Variants in CSMD1 observed in about 807,000 individuals in gnomAD.
CSMD1 encodes the protein CUB and Sushi multiple domains 1.
In CSMD1, 213 loss-of-function variants were observed where a neutral mutation model predicts 417.5. The observed-to-expected ratio is 0.51, with a 90% CI of 0.46 to 0.57. CSMD1 has a LOEUF of 0.57. Among genes scored for constraint, CSMD1 ranks in the 20% least tolerant of loss-of-function variants. The probability of loss-of-function intolerance (pLI) is 0.00; values close to 1 mark genes in which losing one functional copy is unlikely to be tolerated. For synonymous variants in CSMD1, 2,862 were observed against 1,736.8 expected, an observed-to-expected ratio of 1.65 and a Z score of -16.11; for missense variants, 6,923 against 4,529.7, an observed-to-expected ratio of 1.53 and a Z score of -15.17.
At chr8:4,111,772 G>T (rs935891257) in intron 3 of CSMD1, among the ~76,000 whole-genome samples, 1 of 152,100 alleles carries the variant, frequency 6.6e-6, no homozygotes, top group South Asian at 2.1e-4. Context: ...ACTGTTGTGG[G>T]GCATAGGGTG....
chr8:4,699,608 G>A (rs569406127), intron 1 of CSMD1, among the ~76,000 whole-genome samples: 5 of 152,070 alleles, frequency 3.3e-5, no homozygotes, highest in Non-Finnish European at 7.4e-5. Flanking sequence ...AGAGCTCTTG[G>A]CATTTATTTG....
intron 3 of CSMD1, among the ~76,000 whole-genome samples, chr8:4,416,187 T>C (rs963500495): frequency 6.6e-6 from 1 of 152,258 alleles, no homozygotes; most frequent in African/African-American, 2.4e-5. Flanking sequence ...AATACCGGAG[T>C]CACTGTTTTG....
intron 1 of CSMD1, among the ~76,000 whole-genome samples, chr8:4,773,833 A>G (rs1161872925): frequency 6.6e-6 from 1 of 152,214 alleles, no homozygotes; most frequent in African/African-American, 2.4e-5. Flanking sequence ...AAAAATAAAA[A>G]TTTAATTGTG....
chr8:3,176,429 T>G (rs1820941320), intron 37 of CSMD1, among the ~76,000 whole-genome samples: 1 of 151,926 alleles, frequency 6.6e-6, no homozygotes. Flanking sequence ...AAGTGTGCAT[T>G]CAAAAAAAAC....
At chr8:4,480,609 A>T (rs562134162) in intron 2 of CSMD1, among the ~76,000 whole-genome samples, 1 of 152,358 alleles carries the variant, frequency 6.6e-6, no homozygotes, top group South Asian at 2.1e-4. Flanking sequence ...CCAAGAATGC[A>T]TGAGAAACAA....
chr8:4,121,106 T>G (rs1585358839), intron 3 of CSMD1, among the ~76,000 whole-genome samples: 1 of 151,690 alleles, frequency 6.6e-6, no homozygotes. Flanking sequence ...TTTTTATTTA[T>G]TTTTATTTTT....
At chr8:4,366,608 T>C (rs968142436) in intron 3 of CSMD1, among the ~76,000 whole-genome samples, 2 of 152,348 alleles carry the variant, frequency 1.3e-5, no homozygotes, top group East Asian at 1.9e-4. Context: ...TTTTGCTTTT[T>C]ATTAACAGCA....
chr8:3,293,721 C>T (rs1803753163), intron 25 of CSMD1, among the ~76,000 whole-genome samples: 1 of 151,570 alleles, frequency 6.6e-6, no homozygotes, highest in African/African-American at 2.4e-5. Context: ...TCTAGTTAGC[C>T]ATTCGTTTAA....
intron 3 of CSMD1, among the ~76,000 whole-genome samples, chr8:4,107,411 A>G (rs568274202): frequency 1.1e-4 from 16 of 152,334 alleles, no homozygotes; most frequent in African/African-American, 3.1e-4. Flanking sequence ...CCACAGCAGA[A>G]AATGTCTTGA....
intron 26 of CSMD1, 84 bp downstream of exon 26, chr8:3,284,060 C>T: frequency 8.9e-7 from 1 of 1,125,456 alleles, no homozygotes; most frequent in Non-Finnish European, 1.3e-6. Flanking sequence ...TAAGGAGACG[C>T]TGGTGAATAT....
intron 12 of CSMD1, among the ~76,000 whole-genome samples, chr8:3,460,540 T>C (rs557151253): frequency 6.6e-6 from 1 of 151,902 alleles, no homozygotes; most frequent in East Asian, 1.9e-4. Context: ...CGGGGAGAAA[T>C]GAAGTTTCGA....
intron 2 of CSMD1, among the ~76,000 whole-genome samples, chr8:4,475,917 T>C (rs1481264362): frequency 6.6e-6 from 1 of 152,152 alleles, no homozygotes; most frequent in Non-Finnish European, 1.5e-5. Context: ...CTGGCTCTTT[T>C]ATTATACTTT....
intron 50 of CSMD1, among the ~76,000 whole-genome samples, chr8:3,047,549 C>A (rs567540410): frequency 4.6e-5 from 7 of 152,284 alleles, no homozygotes; most frequent in African/African-American, 1.7e-4. Flanking sequence ...ATGTCTCTGC[C>A]TCGCTGTGCC....
rs187860587 is a variant in CSMD1 at position 2,989,671 on chromosome 8, T to A, written c.8377+8340A>T. On this transcript the variant is annotated intron_variant, in intron 54 of 69. Coordinates refer to ENST00000635120, the MANE Select transcript of CSMD1 (RefSeq NM_033225.6). ...GAGACAGTATCTGGGATACAGAGAA[T>A]GATGAATAAATATGAGGTGTTTTTA... Among the ~76,000 whole-genome samples the A allele has an allele frequency of 2.0e-5, 3 of 152,298 alleles. No homozygotes were observed. The East Asian group carries it at 5.8e-4, about 29-fold the overall frequency.
chr8:3,195,956 G>A (rs1796680796), intron 33 of CSMD1, among the ~76,000 whole-genome samples: 1 of 152,094 alleles, frequency 6.6e-6, no homozygotes, highest in African/African-American at 2.4e-5. Flanking sequence ...TATAAAATGA[G>A]GCTGAGACCT....
Position 4,670,743 on chromosome 8 carries a change from T to G in CSMD1, c.86-33185A>C, listed in dbSNP as rs185968043. Among the ~76,000 whole-genome samples the G allele has an allele frequency of 4.2e-3, 641 of 152,250 alleles. 4 individuals are homozygous for G. The highest frequency in any genetic ancestry group is 6.5e-3 in the Non-Finnish European group (445 of 68,024). ...GAAAAAAATAGTTGGCTCTAAGTGG[T>G]TGAGAAATACAAGTACACAAAAATT... On this transcript the variant is annotated intron_variant, in intron 1 of 69. Coordinates refer to ENST00000635120, the MANE Select transcript of CSMD1 (RefSeq NM_033225.6).
At chr8:4,868,897 C>T (rs573851155) in intron 1 of CSMD1, among the ~76,000 whole-genome samples, 12 of 151,842 alleles carry the variant, frequency 7.9e-5, no homozygotes, top group South Asian at 6.2e-4. Context: ...AATATTTGCA[C>T]GTTTTCTAAC....
chr8:4,397,656 G>C (rs1317196358), intron 3 of CSMD1, among the ~76,000 whole-genome samples: 1 of 145,764 alleles, frequency 6.9e-6, no homozygotes, highest in Non-Finnish European at 1.5e-5. Flanking sequence ...CTAAGATTCT[G>C]CTTTAAATTG....
chr8:4,186,857 G>T (rs576786535), intron 3 of CSMD1, among the ~76,000 whole-genome samples: 11 of 151,448 alleles, frequency 7.3e-5, no homozygotes, highest in African/African-American at 2.2e-4. Flanking sequence ...TCAGCCGGGC[G>T]TGGTGTTGAG....
Sources: gnomAD v4.1 joint callset for allele counts (sites outside exome capture counted in the v4.1 genomes callset) on GRCh38, gnomAD v4.1.1 for gene constraint, MANE v1.5 for transcripts, NCBI Gene and HGNC (gene_info 2026-07-23, HGNC 2026-07-21) for gene names.